The following TMEM64 variants were observed in gnomAD, a reference collection of about 807,000 sequenced individuals.
The protein encoded by TMEM64 is transmembrane protein 64.
In TMEM64, 19 loss-of-function variants were observed where a neutral mutation model predicts 24.5. The observed-to-expected ratio is 0.78, with a 90% CI of 0.54 to 1.14. The LOEUF is 1.14. TMEM64 is among the 50% of genes most tolerant of loss of function. TMEM64 has a pLI of 0.00. For missense variants in TMEM64, 487 were observed against 493.0 expected, an observed-to-expected ratio of 0.99 and a Z score of 0.12; for synonymous variants, 262 against 224.7, an observed-to-expected ratio of 1.17 and a Z score of -1.49.
chr8:90,642,673 C>T (rs80209740), intron 1 of TMEM64, among the ~76,000 whole-genome samples: 1,689 of 152,302 alleles, frequency 0.011, 40 homozygotes, highest in African/African-American at 0.039. Flanking sequence ...AGGACTACTT[C>T]TGTAAGCAGG....
intron 2 of TMEM64, among the ~76,000 whole-genome samples, chr8:90,628,306 T>C (rs1023363823): frequency 6.6e-6 from 1 of 152,216 alleles, no homozygotes; most frequent in Non-Finnish European, 1.5e-5. Flanking sequence ...AGATTTCTTA[T>C]ATGCAAATTC....
At chr8:90,636,798 G>A (rs1347483620) in intron 1 of TMEM64, among the ~76,000 whole-genome samples, 1 of 152,034 alleles carries the variant, frequency 6.6e-6, no homozygotes, top group Non-Finnish European at 1.5e-5. Context: ...CCAGCATTTT[G>A]GCTCAGGAGT....
chr8:90,626,949 G>A (rs1809369591), intron 2 of TMEM64, among the ~76,000 whole-genome samples: 1 of 152,112 alleles, frequency 6.6e-6, no homozygotes, highest in Non-Finnish European at 1.5e-5. Flanking sequence ...TCTATGTACA[G>A]CTCCTCAGAA....
chr8:90,634,340 G>C (rs926433588), intron 1 of TMEM64, among the ~76,000 whole-genome samples: 2 of 152,144 alleles, frequency 1.3e-5, no homozygotes, highest in African/African-American at 2.4e-5. Context: ...TCTTCTACTA[G>C]AACTAAAACA....
Position 90,645,472 on chromosome 8 carries a change from T to TG in TMEM64, c.433dup (p.His145ProfsTer11). The TG allele has an allele frequency of 6.4e-7, 1 of 1,551,204 alleles. No individual in the cohort carries two copies. Among genetic ancestry groups the TG allele is most frequent in the Non-Finnish European group, 8.7e-7 (1 of 1,146,976 alleles). ...GCTCTCCACCCACAGCAGGAGGTGG[T>TG]GAAGGTAGCGGCGGACCAGGGCCAG... On this transcript the variant is annotated frameshift_variant, in exon 1 of 3. Coordinates refer to ENST00000458549, the MANE Select transcript of TMEM64 (RefSeq NM_001008495.4). LOFTEE classifies it high-confidence loss of function. This position sits in a 1 kb window ranked among gnomAD's most constrained non-coding sequence, Gnocchi z 4.2.
chr8:90,645,735 T>TGCCGCCGCCGCGCTCGC lies in TMEM64; in HGVS notation c.154_170dup (p.Ala58ArgfsTer55). On this transcript the variant is annotated frameshift_variant, in exon 1 of 3. Coordinates refer to ENST00000458549, the MANE Select transcript of TMEM64 (RefSeq NM_001008495.4). LOFTEE classifies it high-confidence loss of function. The surrounding 1 kb of genome is among the most constrained non-coding windows in gnomAD (Gnocchi z 4.2). ...GCAGGGCGCCCGAGGCCGCCGCTGCTGCCGCCGCCGCGCTCGCCCCGCCCC... is the reference window on the plus strand; with the variant it reads ...GCAGGGCGCCCGAGGCCGCCGCTGCTGCCGCCGCCGCGCTCGCGCCGCCGCCGCGCTCGCCCCGCCCC... The TGCCGCCGCCGCGCTCGC allele has an allele frequency of 8.7e-7, 1 of 1,145,066 alleles. No homozygotes were observed. Among genetic ancestry groups the TGCCGCCGCCGCGCTCGC allele is most frequent in the Non-Finnish European group, 1.1e-6 (1 of 934,060 alleles). 70.9% of individuals were successfully genotyped at this position (1,145,066 alleles called of 1,614,324 possible).
At position 90,645,496 on chromosome 8, in the gene TMEM64, AG is replaced by A. The variant is rs1321426298; in HGVS notation, c.409del (p.Leu137TrpfsTer61). On this transcript the variant is annotated frameshift_variant, in exon 1 of 3. Coordinates refer to ENST00000458549, the MANE Select transcript of TMEM64 (RefSeq NM_001008495.4). LOFTEE classifies it high-confidence loss of function. The surrounding 1 kb of genome is among the most constrained non-coding windows in gnomAD (Gnocchi z 4.2). ...CVLAALCFAS[L>X]ALVRRYLHHL... ...GTGAAGGTAGCGGCGGACCAGGGCCAGGGAAGCGAAGCACAGGGCGGCCAAC... is the reference window on the plus strand; with the variant it reads ...GTGAAGGTAGCGGCGGACCAGGGCCAGGAAGCGAAGCACAGGGCGGCCAAC... 33 of 1,550,796 alleles carry A rather than the reference AG, an allele frequency of 2.1e-5. No homozygotes were observed. The highest frequency in any genetic ancestry group is 2.9e-5 in the Non-Finnish European group (33 of 1,146,988).
chr8:90,638,664 T>G (rs1321993456), intron 1 of TMEM64, among the ~76,000 whole-genome samples: 1 of 152,064 alleles, frequency 6.6e-6, no homozygotes, highest in Non-Finnish European at 1.5e-5. Flanking sequence ...ATATGTTTAT[T>G]GGAGGTTGGA....
rs1809680522 is a variant in TMEM64 at position 90,645,497 on chromosome 8, G to A, written c.409C>T (p.Leu137=). ...CVLAALCFAS[L]ALVRRYLHHL... Reference sequence around the variant, plus strand: ...TGAAGGTAGCGGCGGACCAGGGCCAGGGAAGCGAAGCACAGGGCGGCCAAC... The same window carrying A: ...TGAAGGTAGCGGCGGACCAGGGCCAAGGAAGCGAAGCACAGGGCGGCCAAC... The change falls in exon 1 of 3, where the codon CTG becomes TTG. Residue 137 remains leucine, a synonymous_variant. Transcript: ENST00000458549. The surrounding 1 kb of genome is among the most constrained non-coding windows in gnomAD (Gnocchi z 4.2). 2.6e-6 allele frequency: 4 copies of A among 1,550,750 alleles called. No individual in the cohort carries two copies. The highest frequency in any genetic ancestry group is 3.5e-6 in the Non-Finnish European group (4 of 1,146,922).
chr8:90,623,828 C>T lies in TMEM64; in HGVS notation c.*1843G>A, dbSNP rs16904999. The T allele has an allele frequency of 6.6e-6, 1 of 151,590 alleles. No homozygotes were observed. Among genetic ancestry groups the T allele is most frequent in the African/African-American group, 2.4e-5 (1 of 41,188 alleles). 9.4% of individuals were successfully genotyped at this position (151,590 alleles called of 1,614,324 possible). A position where few individuals can be genotyped will look rare whatever the true frequency, so the allele number is the denominator to read the frequency against. ...AAAACTAACCAACAAACAAGAAGCA[C>T]AAGAAAAAGGTTGTCAGGTTAGACA... On this transcript the variant is annotated 3_prime_UTR_variant, in exon 3 of 3. Coordinates refer to ENST00000458549, the MANE Select transcript of TMEM64 (RefSeq NM_001008495.4).
intron 2 of TMEM64, among the ~76,000 whole-genome samples, chr8:90,628,386 T>C (rs7829606): frequency 0.054 from 8,287 of 152,228 alleles, 298 homozygotes; most frequent in African/African-American, 0.1. Flanking sequence ...ACAATAAAGA[T>C]GGAAACAGGC....
At chr8:90,637,013 G>A (rs929349618) in intron 1 of TMEM64, among the ~76,000 whole-genome samples, 5 of 152,150 alleles carry the variant, frequency 3.3e-5, no homozygotes, top group Non-Finnish European at 5.9e-5. Context: ...TGATATACTT[G>A]GAGATGTGAT....
At chr8:90,636,769 G>A (rs1406651446) in intron 1 of TMEM64, among the ~76,000 whole-genome samples, 1 of 152,106 alleles carries the variant, frequency 6.6e-6, no homozygotes, top group African/African-American at 2.4e-5. Flanking sequence ...AATACCATTG[G>A]AATTCCTGCT....
intron 1 of TMEM64, among the ~76,000 whole-genome samples, chr8:90,634,774 C>T (rs1014446745): frequency 6.6e-6 from 1 of 152,116 alleles, no homozygotes; most frequent in Non-Finnish European, 1.5e-5. Flanking sequence ...TCCACATCCC[C>T]ATCTGAGTAT....
chr8:90,625,080 G>A lies in TMEM64; in HGVS notation c.*591C>T, dbSNP rs1052525565. On this transcript the variant is annotated 3_prime_UTR_variant, in exon 3 of 3. Coordinates refer to ENST00000458549, the MANE Select transcript of TMEM64 (RefSeq NM_001008495.4). ...AGGTAGGATTTAAGCTTTGTGAATA[G>A]GTGTAAATGGCCCTGTAACAATATG... 1 of 152,502 alleles carries A rather than the reference G, an allele frequency of 6.6e-6. No individual in the cohort carries two copies. Among genetic ancestry groups the A allele is most frequent in the African/African-American group, 2.4e-5 (1 of 41,428 alleles). 9.4% of individuals were successfully genotyped at this position (152,502 alleles called of 1,614,324 possible).
At chr8:90,639,024 C>T (rs1323388471) in intron 1 of TMEM64, among the ~76,000 whole-genome samples, 2 of 151,840 alleles carry the variant, frequency 1.3e-5, no homozygotes, top group Non-Finnish European at 2.9e-5. Flanking sequence ...CAGAAACCGC[C>T]ATGGTGAACC....
intron 2 of TMEM64, among the ~76,000 whole-genome samples, 178 bp downstream of exon 2, chr8:90,631,374 T>G (rs915790111): frequency 6.6e-6 from 1 of 152,088 alleles, no homozygotes; most frequent in Non-Finnish European, 1.5e-5. Context: ...CTTGCATATA[T>G]CCACACAATT....
intron 2 of TMEM64, among the ~76,000 whole-genome samples, chr8:90,628,804 C>T (rs1809397613): frequency 6.6e-6 from 1 of 152,252 alleles, no homozygotes; most frequent in African/African-American, 2.4e-5. Context: ...AATGCTCATT[C>T]GAACACTTTA....
intron 1 of TMEM64, among the ~76,000 whole-genome samples, chr8:90,637,998 A>G (rs951924258): frequency 6.6e-6 from 1 of 152,000 alleles, no homozygotes; most frequent in African/African-American, 2.4e-5. Context: ...TTCAATATCT[A>G]CTACATCTTG....
Sources: gnomAD v4.1 joint callset for allele counts (sites outside exome capture counted in the v4.1 genomes callset) on GRCh38, gnomAD v4.1.1 for gene constraint, Gnocchi (gnomAD v3.1) non-coding constraint, MANE v1.5 for transcripts, NCBI Gene and HGNC (gene_info 2026-07-23, HGNC 2026-07-21) for gene names.